Variants in SETD2 observed in about 807,000 individuals in gnomAD.
The protein encoded by SETD2 is histone-lysine N-methyltransferase SETD2.
Under a neutral mutation model 242.1 loss-of-function variants are expected in SETD2, and 31 were observed. That is an observed-to-expected ratio of 0.13 (90% CI 0.10 to 0.17). SETD2 has a LOEUF of 0.17. SETD2 is among the 10% of genes least tolerant of loss of function. The pLI, the probability that SETD2 is intolerant of heterozygous loss-of-function variation, is 1.00. For synonymous variants in SETD2, 1,006 were observed against 1,066.5 expected (o/e 0.94, Z 1.11); for missense variants, 2,481 against 3,046.3 (o/e 0.81, Z 4.37).
intron 15 of SETD2, among the ~76,000 whole-genome samples, chr3:47,050,273 A>G (rs1186385369): frequency 6.6e-6 from 1 of 152,114 alleles, no homozygotes; most frequent in Non-Finnish European, 1.5e-5. Flanking sequence ...CCTATTATGT[A>G]TCAACATAAA....
At chr3:47,137,722 T>G (rs1303575275) in intron 1 of SETD2, among the ~76,000 whole-genome samples, 2 of 152,128 alleles carry the variant, frequency 1.3e-5, no homozygotes, top group African/African-American at 4.8e-5. Flanking sequence ...AGAATCTTGC[T>G]GTCGCCCAGG....
chr3:47,163,961 C>T lies in SETD2; in HGVS notation c.-37G>A. 1 of 1,270,904 alleles carries T rather than the reference C, an allele frequency of 7.9e-7. No individual in the cohort carries two copies. Among genetic ancestry groups the T allele is most frequent in the Non-Finnish European group, 1.0e-6 (1 of 1,001,674 alleles). 78.7% of individuals were successfully genotyped at this position (1,270,904 alleles called of 1,614,324 possible). A position where few individuals can be genotyped will look rare whatever the true frequency, so the allele number is the denominator to read the frequency against. The stretch of plus-strand genomic sequence containing the variant: ...GGAGACGGCGACGCGAGCCCCCTCC[C>T]CGCAGCAGGGCGACGCGGGGGAGGG... On this transcript the variant is annotated 5_prime_UTR_variant, in exon 1 of 21. Coordinates refer to ENST00000409792, the MANE Select transcript of SETD2 (RefSeq NM_014159.7).
chr3:47,126,165 G>C (rs1030402752), intron 2 of SETD2, among the ~76,000 whole-genome samples: 1 of 152,106 alleles, frequency 6.6e-6, no homozygotes, highest in Non-Finnish European at 1.5e-5. Context: ...GAGTAGCTGG[G>C]ACTAAGCCAC....
intron 15 of SETD2, among the ~76,000 whole-genome samples, chr3:47,049,345 A>ATGTATG (rs1553682175): frequency 9.0e-6 from 1 of 111,202 alleles, no homozygotes; most frequent in Non-Finnish European, 1.8e-5. Flanking sequence ...ATATATATAT[A>ATGTATG]TATGTATTCT....
intron 18 of SETD2, among the ~76,000 whole-genome samples, chr3:47,030,796 T>C (rs1378497116): frequency 2.0e-5 from 3 of 152,226 alleles, no homozygotes; most frequent in Non-Finnish European, 4.4e-5. Context: ...ATAATAAACC[T>C]GTACATGGAT....
At chr3:47,046,022 G>A (rs973818819) in intron 16 of SETD2, among the ~76,000 whole-genome samples, 12 of 151,970 alleles carry the variant, frequency 7.9e-5, no homozygotes, top group African/African-American at 2.7e-4. Flanking sequence ...TGGCTCAGGT[G>A]AATTTGGTGG....
chr3:47,084,701 C>T (rs2041474636), intron 11 of SETD2, among the ~76,000 whole-genome samples: 1 of 151,854 alleles, frequency 6.6e-6, no homozygotes, highest in South Asian at 2.1e-4. Flanking sequence ...GCTGGGATTA[C>T]CAGCATGAGC....
In SETD2 at chr3:47,155,546, C is replaced by A. The variant is rs2044107469; in HGVS notation, c.71+8308G>T. Among the ~76,000 whole-genome samples the A allele has an allele frequency of 3.9e-5, 6 of 152,174 alleles. No homozygotes were observed. In the South Asian group the frequency reaches 8.3e-4, roughly 21 times the overall value. ...AAGTGTTTTCTGACAGGCGCAGTGG[C>A]TCACACCTGTAATCCCAGCACTTTG... On this transcript the variant is annotated intron_variant, in intron 1 of 20. Coordinates refer to ENST00000409792, the MANE Select transcript of SETD2 (RefSeq NM_014159.7).
intron 3 of SETD2, 98 bp downstream of exon 3, chr3:47,120,084 T>C (rs1162929416): frequency 1.0e-6 from 1 of 974,488 alleles, no homozygotes; most frequent in Non-Finnish European, 1.5e-6. Flanking sequence ...CACAACTCTT[T>C]CATGTGTTTA....
chr3:47,056,800 A>T (rs544254589), intron 15 of SETD2, 21 bp downstream of exon 15: 1 of 1,600,326 alleles, frequency 6.2e-7, no homozygotes, highest in Non-Finnish European at 8.6e-7. Context: ...AGCAGAAAAG[A>T]AAAGTTTCAG....
rs1446042073 is a variant in SETD2, at chr3:47,123,696, A to C, written c.940T>G (p.Ser314Ala). ...TCTGAACCAAGAAAGATGCCTTCAG[A>C]TTGTGAGGATTTCTTCTTAGAACCT... is the stretch of plus-strand genomic sequence containing the variant. ...KTGSKKKSSQ[S>A]EGIFLGSESD... Residue 314 changes from serine (S) to alanine (A), a missense_variant, in exon 3 of 21, where the codon TCT (serine) becomes GCT (alanine). Transcript: ENST00000409792. The C allele has an allele frequency of 6.4e-7, 1 of 1,551,332 alleles. No homozygotes were observed. Among genetic ancestry groups the C allele is most frequent in the Non-Finnish European group, 8.7e-7 (1 of 1,146,946 alleles).
chr3:47,084,749 G>A (rs950972371), intron 11 of SETD2, among the ~76,000 whole-genome samples: 31 of 144,150 alleles, frequency 2.2e-4, no homozygotes, highest in African/African-American at 7.7e-4. Flanking sequence ...TTTTTTTTTT[G>A]AGATGGAGTT....
intron 1 of SETD2, among the ~76,000 whole-genome samples, chr3:47,142,021 G>A (rs1349803331): frequency 6.6e-6 from 1 of 152,120 alleles, no homozygotes; most frequent in Non-Finnish European, 1.5e-5. Context: ...AATATAGGAT[G>A]ATTGTGAATT....
At chr3:47,033,310 C>G (rs1489830240) in intron 18 of SETD2, among the ~76,000 whole-genome samples, 3 of 152,232 alleles carry the variant, frequency 2.0e-5, no homozygotes, top group African/African-American at 2.4e-5. Context: ...GCCACTTTCT[C>G]ACAAAGTCCT....
At chr3:47,106,154 A>C (rs925989180) in intron 5 of SETD2, 34 bp from the exon 6 acceptor site, 14 of 1,596,138 alleles carry the variant, frequency 8.8e-6, no homozygotes, top group Middle Eastern at 1.7e-4. Context: ...AGCACTTCCT[A>C]CCTAGGAGCA....
intron 15 of SETD2, among the ~76,000 whole-genome samples, chr3:47,056,043 AGTTCTGCCTTGTAT>A (rs2040053070): frequency 7.8e-6 from 1 of 129,020 alleles, no homozygotes; most frequent in Non-Finnish European, 1.6e-5. Flanking sequence ...AAAAAAAAAA[AGTTCTGCCTTGTAT>A]AATCTAAAAA....
At chr3:47,066,276 C>T (rs1028530525) in intron 13 of SETD2, among the ~76,000 whole-genome samples, 4 of 152,140 alleles carry the variant, frequency 2.6e-5, no homozygotes, top group Non-Finnish European at 4.4e-5. Context: ...TGTGGAATTT[C>T]GACGCACAGG....
chr3:47,098,481 G>T (rs1038721528), intron 8 of SETD2: 1 of 160,144 alleles, frequency 6.2e-6, no homozygotes, highest in South Asian at 1.8e-4. Context: ...AGTATAAGCA[G>T]ACATAAAATG....
intron 1 of SETD2, among the ~76,000 whole-genome samples, chr3:47,139,208 C>T (rs2043666258): frequency 6.6e-6 from 1 of 152,166 alleles, no homozygotes; most frequent in African/African-American, 2.4e-5. Flanking sequence ...AGCCTCCACA[C>T]TACACACATA....
Sources: gnomAD v4.1 joint callset for allele counts (sites outside exome capture counted in the v4.1 genomes callset) on GRCh38, gnomAD v4.1.1 for gene constraint, MANE v1.5 for transcripts, NCBI Gene and HGNC (gene_info 2026-07-23, HGNC 2026-07-21) for gene names.